IL1RAPL1: variants seen among roughly 807,000 people sequenced by gnomAD.
IL1RAPL1 encodes interleukin 1 receptor accessory protein like 1.
Under a neutral mutation model 48.4 loss-of-function variants are expected in IL1RAPL1, and 3 were observed. The ratio of observed to expected loss-of-function variants is 0.06; its 90% CI spans 0.03 to 0.16. IL1RAPL1 has a LOEUF of 0.16. Among genes scored for constraint, IL1RAPL1 ranks in the 10% least tolerant of loss-of-function variants. IL1RAPL1 has a pLI of 1.00. For missense variants in IL1RAPL1, 349 were observed against 530.6 expected, an observed-to-expected ratio of 0.66 and a Z score of 3.36; for synonymous variants, 185 against 187.7, an observed-to-expected ratio of 0.99 and a Z score of 0.12.
chrX:29,826,280 T>C (rs989435417), intron 6 of IL1RAPL1, among the ~76,000 whole-genome samples: 1 of 110,918 alleles, frequency 9.0e-6, no homozygotes, highest in Non-Finnish European at 1.9e-5. Context: ...GACTCAAGAG[T>C]GTAACAGAAG....
chrX:29,667,722 G>A (rs778449221), intron 5 of IL1RAPL1, among the ~76,000 whole-genome samples: 1 of 112,276 alleles, frequency 8.9e-6, no homozygotes, highest in African/African-American at 3.2e-5. Context: ...AATTGAAGTT[G>A]ACGAGAGCAC....
chrX:29,181,539 A>G (rs1259526711), intron 2 of IL1RAPL1, among the ~76,000 whole-genome samples: 1 of 112,055 alleles, frequency 8.9e-6, no homozygotes, highest in African/African-American at 3.2e-5. Flanking sequence ...CAAACTTTAG[A>G]AAGAATTAGG....
At chrX:29,194,404 G>C (rs1189837029) in intron 2 of IL1RAPL1, among the ~76,000 whole-genome samples, 2 of 112,414 alleles carry the variant, frequency 1.8e-5, no homozygotes, top group East Asian at 5.6e-4. Context: ...CTGTTAGCAA[G>C]GGCTATCTAA....
At chrX:29,406,175 G>A (rs970422541) in intron 5 of IL1RAPL1, among the ~76,000 whole-genome samples, 1 of 111,289 alleles carries the variant, frequency 9.0e-6, no homozygotes, top group Non-Finnish European at 1.9e-5. Flanking sequence ...GGATCACAAG[G>A]TCAGGAGATC....
chrX:29,393,949 G>A (rs1013736946), intron 3 of IL1RAPL1, among the ~76,000 whole-genome samples: 1 of 110,437 alleles, frequency 9.1e-6, no homozygotes, highest in Non-Finnish European at 1.9e-5. Context: ...ACCCAAAGAG[G>A]GATATCTTTT....
At chrX:28,747,192 A>T (rs1935989719) in intron 1 of IL1RAPL1, among the ~76,000 whole-genome samples, 1 of 111,135 alleles carries the variant, frequency 9.0e-6, no homozygotes, top group Admixed American at 9.7e-5. Flanking sequence ...CCCTCCCATT[A>T]GTCATTTTTT....
rs57824632 is a variant in IL1RAPL1, at chrX:28,981,090, C to CAA, written c.82+191702_82+191703dup. Among the ~76,000 whole-genome samples the CAA allele has an allele frequency of 5.8e-3, 141 of 24,294 alleles. 17 individuals are homozygous for CAA. Among genetic ancestry groups the CAA allele is most frequent in the African/African-American group, 0.013 (62 of 4,718 alleles). The allele number at this position is 24,294 out of a possible 115,157, so 21.1% of individuals were successfully genotyped here. ...TGAGGGACAGAGTGAGACCCTGTCT[C>CAA]AAAAAAAAAAAAAAAAAAAAAAAAA... On this transcript the variant is annotated intron_variant, in intron 2 of 10. Transcript: ENST00000378993.
chrX:29,309,706 G>A (rs1219591937), intron 3 of IL1RAPL1, among the ~76,000 whole-genome samples: 1 of 109,732 alleles, frequency 9.1e-6, no homozygotes, highest in Non-Finnish European at 1.9e-5. Flanking sequence ...CCGGCCACTC[G>A]GGAGGCTTAG....
At chrX:28,615,222 T>G (rs867296229) in intron 1 of IL1RAPL1, among the ~76,000 whole-genome samples, 25 of 59,140 alleles carry the variant, frequency 4.2e-4, no homozygotes, top group East Asian at 6.7e-4. Flanking sequence ...TTTTTTTTTT[T>G]TTTTTTTTTT....
At chrX:29,612,463 G>A (rs1417916393) in intron 5 of IL1RAPL1, among the ~76,000 whole-genome samples, 2 of 109,637 alleles carry the variant, frequency 1.8e-5, no homozygotes, top group Non-Finnish European at 3.8e-5. Context: ...CAGGAGAAAG[G>A]ATAACTGTCT....
At chrX:29,820,289 G>A (rs1930585263) in intron 6 of IL1RAPL1, among the ~76,000 whole-genome samples, 1 of 110,562 alleles carries the variant, frequency 9.0e-6, no homozygotes, top group African/African-American at 3.3e-5. Flanking sequence ...ATATACAGAG[G>A]TATTTGTCAC....
chrX:29,346,331 A>G (rs1022882489), intron 3 of IL1RAPL1, among the ~76,000 whole-genome samples: 5 of 112,421 alleles, frequency 4.4e-5, no homozygotes, highest in African/African-American at 1.6e-4. Context: ...TCTTCCCTCC[A>G]CATTGTCAAC....
chrX:28,842,430 C>T (rs183492546), intron 2 of IL1RAPL1, among the ~76,000 whole-genome samples: 1,296 of 111,060 alleles, frequency 0.012, 6 homozygotes, highest in Non-Finnish European at 0.018. Flanking sequence ...GCCACATTTT[C>T]GCTAAACATC....
chrX:28,596,361 TCCCTC>T (rs1412558747), intron 1 of IL1RAPL1, among the ~76,000 whole-genome samples: 4 of 109,301 alleles, frequency 3.7e-5, no homozygotes, highest in African/African-American at 1.3e-4. Flanking sequence ...CTTCCTTCCT[TCCCTC>T]CCTCCCCTTC....
chrX:29,101,438 T>C (rs1928335111), intron 2 of IL1RAPL1, among the ~76,000 whole-genome samples: 1 of 111,406 alleles, frequency 9.0e-6, no homozygotes, highest in African/African-American at 3.3e-5. Flanking sequence ...GAAGAACTAA[T>C]ACTAATCCTA....
chrX:29,571,533 T>C (rs1922597055), intron 5 of IL1RAPL1, among the ~76,000 whole-genome samples: 2 of 111,656 alleles, frequency 1.8e-5, no homozygotes, highest in African/African-American at 3.3e-5. Context: ...TTTTCCTTGC[T>C]CTTCTAATAG....
chrX:29,824,015 C>T (rs1930678005), intron 6 of IL1RAPL1, among the ~76,000 whole-genome samples: 1 of 111,571 alleles, frequency 9.0e-6, no homozygotes, highest in Admixed American at 9.6e-5. Context: ...TGTCCTTATG[C>T]CTGCCACTGG....
intron 6 of IL1RAPL1, among the ~76,000 whole-genome samples, chrX:29,835,118 T>G (rs1381486660): frequency 8.9e-6 from 1 of 112,334 alleles, no homozygotes; most frequent in Non-Finnish European, 1.9e-5. Context: ...TGCACAATGC[T>G]TTTCTACAAT....
intron 6 of IL1RAPL1, among the ~76,000 whole-genome samples, chrX:29,771,827 A>G (rs909171838): frequency 1.8e-5 from 2 of 111,680 alleles, no homozygotes; most frequent in Admixed American, 1.9e-4. Flanking sequence ...TTTATAATGG[A>G]AAGAGCTTTA....
Sources: gnomAD v4.1 joint callset for allele counts (sites outside exome capture counted in the v4.1 genomes callset) on GRCh38, gnomAD v4.1.1 for gene constraint, MANE v1.5 for transcripts, NCBI Gene and HGNC (gene_info 2026-07-23, HGNC 2026-07-21) for gene names.